SETD5: variants seen among roughly 807,000 people sequenced by gnomAD.
The protein encoded by SETD5 is SET domain containing 5.
In SETD5, 44 loss-of-function variants were observed where a neutral mutation model predicts 153.3. The ratio of observed to expected loss-of-function variants is 0.29; its 90% CI spans 0.23 to 0.37. The LOEUF (loss-of-function observed/expected upper bound fraction) is 0.37, where lower values mean the gene tolerates loss of function less well. Ranked by LOEUF, SETD5 falls within the 10% of genes least tolerant of loss-of-function variation. SETD5 has a pLI of 1.00. For missense variants in SETD5, 1,544 were observed against 1,768.0 expected (o/e 0.87, Z 2.27); for synonymous variants, 716 against 645.2 (o/e 1.11, Z -1.66).
In SETD5 at chr3:9,475,653, G is replaced by C; in HGVS notation, c.3891G>C (p.Thr1297=). The C allele has an allele frequency of 6.2e-7, 1 of 1,613,796 alleles. No homozygotes were observed. Among genetic ancestry groups the C allele is most frequent in the Non-Finnish European group, 8.5e-7 (1 of 1,179,862 alleles). ...CTTCAGAATCATCCCTCTCTTCCAC[G>C]TCCTATTCCAGCCCCGCCCACCCTG... ...HGSSESSLSS[T]SYSSPAHPVS... The change falls in exon 23 of 23, where the codon ACG becomes ACC. Residue 1297 remains threonine, a synonymous_variant. Coordinates refer to ENST00000402198, the MANE Select transcript of SETD5 (RefSeq NM_001080517.3).
chr3:9,463,024 TTTG>T (rs2044167191), intron 17 of SETD5, among the ~76,000 whole-genome samples: 1 of 152,134 alleles, frequency 6.6e-6, no homozygotes, highest in South Asian at 2.1e-4. Flanking sequence ...GTTGTGTCGT[TTTG>T]TTTTGTTTTG....
chr3:9,429,836 G>C, intron 3 of SETD5: 8 of 1,303,382 alleles, frequency 6.1e-6, no homozygotes, highest in Non-Finnish European at 8.1e-6. Context: ...GAAAGGAAGT[G>C]GAAGCCCCCT....
Position 9,477,348 on chromosome 3 carries a change from A to G in SETD5, c.*1257A>G, listed in dbSNP as rs1377623903. 6.5e-6 allele frequency: 1 copy of G among 152,674 alleles called. No homozygotes were observed. Among genetic ancestry groups the G allele is most frequent in the African/African-American group, 2.4e-5 (1 of 41,536 alleles). 9.5% of individuals were successfully genotyped at this position (152,674 alleles called of 1,614,324 possible). ...TTAAATTCCATATGGTTGCCAGCTT[A>G]TTTCTTTCACTTGTTTACTGTAATA... On this transcript the variant is annotated 3_prime_UTR_variant, in exon 23 of 23. Coordinates refer to ENST00000402198, the MANE Select transcript of SETD5 (RefSeq NM_001080517.3).
chr3:9,431,330 T>G, intron 3 of SETD5: 7 of 985,440 alleles, frequency 7.1e-6, no homozygotes, highest in Non-Finnish European at 7.2e-6. Context: ...ATATCTGTTG[T>G]GAGCCTGGTT....
chr3:9,468,454 T>G (rs2044891880), intron 18 of SETD5: 1 of 1,279,570 alleles, frequency 7.8e-7, no homozygotes. Context: ...CTTTTATTTT[T>G]TGTTTTGTTT....
intron 17 of SETD5, among the ~76,000 whole-genome samples, chr3:9,462,253 A>G (rs1347815884): frequency 6.6e-6 from 1 of 152,148 alleles, no homozygotes; most frequent in Admixed American, 6.6e-5. Flanking sequence ...CCTTCCATCC[A>G]CCAAGCCTTG....
At chr3:9,429,573 G>T (rs1032154675) in intron 3 of SETD5, among the ~76,000 whole-genome samples, 9 of 151,900 alleles carry the variant, frequency 5.9e-5, no homozygotes, top group Non-Finnish European at 1.0e-4. Flanking sequence ...TTTCAGCTAA[G>T]AGCAGCTTTA....
At chr3:9,427,966 T>C (rs761227363) in intron 2 of SETD5, among the ~76,000 whole-genome samples, 2 of 152,236 alleles carry the variant, frequency 1.3e-5, no homozygotes, top group Middle Eastern at 3.2e-3. Context: ...CAAGCTATCC[T>C]CACCGCTTTT....
chr3:9,423,404 C>A (rs1273521674), intron 1 of SETD5: 1 of 152,110 alleles, frequency 6.6e-6, no homozygotes, highest in Non-Finnish European at 1.5e-5. Flanking sequence ...TACTAGTGTT[C>A]CTGTGGATTC....
In SETD5 at chr3:9,399,721, T is replaced by G. The variant is rs184701910; in HGVS notation, c.-177+1744T>G. 4.6e-5 allele frequency among the ~76,000 whole-genome samples: 7 copies of G among 152,160 alleles called. No homozygotes were observed. The East Asian group carries it at 1.4e-3, about 29-fold the overall frequency. On this transcript the variant is annotated intron_variant, in intron 1 of 22. Transcript: ENST00000402198. The stretch of plus-strand genomic sequence containing the variant: ...ATTAAAATGGATATTTAGAATTTGG[T>G]AAATGTTGATTTTTCTAATAAAAGG...
chr3:9,469,212 T>A (rs949235177), intron 18 of SETD5, among the ~76,000 whole-genome samples: 3 of 152,200 alleles, frequency 2.0e-5, no homozygotes, highest in African/African-American at 7.2e-5. Flanking sequence ...AGGATATGGT[T>A]GCTATACAAG....
intron 19 of SETD5, among the ~76,000 whole-genome samples, chr3:9,471,435 G>C (rs78942820): frequency 0.018 from 2,693 of 152,304 alleles, 58 homozygotes; most frequent in South Asian, 0.038. Flanking sequence ...ACAATAAGTA[G>C]GAGTCAGCCA....
chr3:9,435,338 A>G (rs2040439663), intron 6 of SETD5, among the ~76,000 whole-genome samples: 1 of 152,028 alleles, frequency 6.6e-6, no homozygotes, highest in Non-Finnish European at 1.5e-5. Flanking sequence ...TCCTCTCAAG[A>G]CCACTGTATA....
chr3:9,404,849 T>C (rs149839708), intron 1 of SETD5, among the ~76,000 whole-genome samples: 200 of 152,326 alleles, frequency 1.3e-3, no homozygotes, highest in African/African-American at 4.5e-3. Flanking sequence ...AAACAGCTAA[T>C]CTCATTTTCA....
intron 17 of SETD5, 52 bp from the exon 18 acceptor site, chr3:9,464,373 C>G (rs1021488518): frequency 6.3e-7 from 1 of 1,576,586 alleles, no homozygotes; most frequent in African/African-American, 1.4e-5. Flanking sequence ...TACTGTAGAG[C>G]CTTAAATTAA....
At chr3:9,427,136 T>G (rs2039370068) in intron 2 of SETD5, among the ~76,000 whole-genome samples, 1 of 152,228 alleles carries the variant, frequency 6.6e-6, no homozygotes, top group Non-Finnish European at 1.5e-5. Context: ...TCCTTCCACC[T>G]TGGCCTCCTA....
At chr3:9,456,014 T>G (rs2043191246) in intron 17 of SETD5, among the ~76,000 whole-genome samples, 2 of 152,166 alleles carry the variant, frequency 1.3e-5, no homozygotes, top group Admixed American at 1.3e-4. Flanking sequence ...TGCTACAAAA[T>G]TAGCATAAAT....
chr3:9,444,982 G>A lies in SETD5; in HGVS notation c.1188-66G>A, dbSNP rs563034891. 4.5e-5 allele frequency: 70 copies of A among 1,560,730 alleles called. No individual in the cohort carries two copies. In the African/African-American group the frequency reaches 8.1e-4, roughly 18 times the overall value. ...TACTGTACTGATATTTTAAGAGGGT[G>A]AATGGATAATGTAACTGAATTTCAA... On this transcript the variant is annotated intron_variant, in intron 11 of 22. Coordinates refer to ENST00000402198, the MANE Select transcript of SETD5 (RefSeq NM_001080517.3).
chr3:9,464,921 A>G (rs985258225), intron 18 of SETD5: 5 of 529,574 alleles, frequency 9.4e-6, no homozygotes, highest in Admixed American at 3.2e-5. Context: ...CATGCAGTCC[A>G]TCAATCTCCA....
Sources: allele counts gnomAD v4.1 joint callset (sites outside exome capture counted in the v4.1 genomes callset), GRCh38; gene constraint gnomAD v4.1.1; transcripts MANE v1.5; gene names NCBI Gene and HGNC (gene_info 2026-07-23, HGNC 2026-07-21).